Variants in EYS observed in about 807,000 individuals in gnomAD.
The protein encoded by EYS is protein eyes shut homolog.
In EYS, 250 loss-of-function variants were observed where a neutral mutation model predicts 282.1. The observed-to-expected ratio is 0.89, with a 90% CI of 0.80 to 0.98. The LOEUF (loss-of-function observed/expected upper bound fraction) is 0.98, where lower values mean the gene tolerates loss of function less well. Among genes scored for constraint, EYS ranks in the 50% least tolerant of loss-of-function variants. The pLI, the probability that EYS is intolerant of heterozygous loss-of-function variation, is 0.00. For missense variants in EYS, 4,016 were observed against 3,709.0 expected (o/e 1.08, Z -2.15); for synonymous variants, 1,355 against 1,282.9 (o/e 1.06, Z -1.20).
chr6:63,771,990 T>C (rs988119544), intron 40 of EYS, among the ~76,000 whole-genome samples: 5 of 152,128 alleles, frequency 3.3e-5, no homozygotes, highest in Non-Finnish European at 7.3e-5. Context: ...TCTAGGCTTA[T>C]GTATTTTCTG....
intron 13 of EYS, among the ~76,000 whole-genome samples, chr6:65,012,843 C>A (rs1771920352): frequency 2.1e-5 from 3 of 140,888 alleles, no homozygotes; most frequent in African/African-American, 5.3e-5. Flanking sequence ...AAAACTACTT[C>A]ACAAGAACAT....
rs1186922323 is a variant in EYS at position 63,938,606 on chromosome 6, T to A, written c.7055+45777A>T. Among the ~76,000 whole-genome samples the A allele has an allele frequency of 2.0e-5, 3 of 152,238 alleles. No individual in the cohort carries two copies. The East Asian group carries it at 5.8e-4, about 29-fold the overall frequency. The stretch of plus-strand genomic sequence containing the variant: ...CTTGGTTGAAAAAGAAAATGTGATC[T>A]GTAAATGATTCTATAAACTTTTGAC... On this transcript the variant is annotated intron_variant, in intron 35 of 42. Coordinates refer to ENST00000503581, the MANE Select transcript of EYS (RefSeq NM_001142800.2).
chr6:65,230,278 A>G (rs1283146282), intron 12 of EYS, among the ~76,000 whole-genome samples: 2 of 151,888 alleles, frequency 1.3e-5, no homozygotes, highest in African/African-American at 4.8e-5. Flanking sequence ...GTTTTGTTCC[A>G]TAACTGGACA....
intron 33 of EYS, among the ~76,000 whole-genome samples, chr6:64,046,395 A>G (rs1342441754): frequency 6.6e-6 from 1 of 151,986 alleles, no homozygotes; most frequent in Non-Finnish European, 1.5e-5. Context: ...CTGTCCATCT[A>G]TTTGGATTCA....
At chr6:64,725,932 C>T (rs539102146) in intron 22 of EYS, among the ~76,000 whole-genome samples, 5 of 152,194 alleles carry the variant, frequency 3.3e-5, no homozygotes, top group African/African-American at 1.2e-4. Context: ...CTAATGCCTA[C>T]AAATTAAACC....
chr6:65,021,296 T>C (rs540734491), intron 13 of EYS, among the ~76,000 whole-genome samples: 10 of 152,166 alleles, frequency 6.6e-5, no homozygotes, highest in Non-Finnish European at 1.0e-4. Flanking sequence ...TCCTAAATCA[T>C]CTCTCTCAAG....
At chr6:65,310,250 A>C (rs900992449) in intron 11 of EYS, among the ~76,000 whole-genome samples, 6 of 152,148 alleles carry the variant, frequency 3.9e-5, no homozygotes, top group African/African-American at 1.4e-4. Flanking sequence ...AGGCTGAGGC[A>C]GGAGAATTGC....
At chr6:65,401,807 C>T (rs558823342) in intron 7 of EYS, among the ~76,000 whole-genome samples, 10 of 151,940 alleles carry the variant, frequency 6.6e-5, no homozygotes, top group African/African-American at 2.4e-4. Context: ...AATTTTGAGG[C>T]TACTTACTGC....
At chr6:63,766,888 C>G (rs1286617002) in intron 40 of EYS, among the ~76,000 whole-genome samples, 4 of 151,858 alleles carry the variant, frequency 2.6e-5, no homozygotes, top group African/African-American at 9.7e-5. Flanking sequence ...AAAGAATCCA[C>G]TTTTATAAGC....
chr6:63,753,554 G>T (rs1030556821), intron 41 of EYS, among the ~76,000 whole-genome samples: 2 of 152,098 alleles, frequency 1.3e-5, no homozygotes, highest in Non-Finnish European at 2.9e-5. Flanking sequence ...AAGCACAGAG[G>T]AGGAACTTCC....
intron 26 of EYS, among the ~76,000 whole-genome samples, chr6:64,565,342 A>G (rs1765531023): frequency 6.6e-6 from 1 of 152,140 alleles, no homozygotes; most frequent in Non-Finnish European, 1.5e-5. Flanking sequence ...TAAGTCTTAA[A>G]TTCATTTTGA....
chr6:64,383,492 T>C (rs2150421316), intron 29 of EYS, among the ~76,000 whole-genome samples: 1 of 152,310 alleles, frequency 6.6e-6, no homozygotes, highest in Non-Finnish European at 1.5e-5. Context: ...CAAATGGTAG[T>C]CCAGCGGAAT....
At chr6:65,463,356 C>A (rs138472453) in intron 5 of EYS, among the ~76,000 whole-genome samples, 2 of 152,092 alleles carry the variant, frequency 1.3e-5, no homozygotes, top group Non-Finnish European at 2.9e-5. Flanking sequence ...ATCACTTTCT[C>A]GATGAGATTT....
chr6:64,617,118 G>T (rs988231454), intron 24 of EYS, among the ~76,000 whole-genome samples: 1 of 152,016 alleles, frequency 6.6e-6, no homozygotes, highest in Admixed American at 6.6e-5. Context: ...TTCCTCCACT[G>T]GCATCCTCCT....
chr6:65,362,630 G>A (rs1562123069), intron 8 of EYS, among the ~76,000 whole-genome samples: 1 of 151,484 alleles, frequency 6.6e-6, no homozygotes, highest in African/African-American at 2.4e-5. Flanking sequence ...TAATGTATAT[G>A]CATGTGTATA....
chr6:63,768,407 T>C (rs1769849354), intron 40 of EYS, among the ~76,000 whole-genome samples: 1 of 151,246 alleles, frequency 6.6e-6, no homozygotes, highest in Non-Finnish European at 1.5e-5. Context: ...ATTAAAAAAA[T>C]GGGCAAATGA....
At chr6:64,189,978 G>C (rs981034790) in intron 31 of EYS, among the ~76,000 whole-genome samples, 1 of 152,086 alleles carries the variant, frequency 6.6e-6, no homozygotes, top group Non-Finnish European at 1.5e-5. Context: ...ATACAATTTT[G>C]TGTTCAATTA....
At chr6:64,212,252 T>TA (rs1471110881) in intron 31 of EYS, among the ~76,000 whole-genome samples, 2 of 152,064 alleles carry the variant, frequency 1.3e-5, no homozygotes, top group Non-Finnish European at 2.9e-5. Flanking sequence ...AAAGTAGGAC[T>TA]ACTCAAATAA....
intron 12 of EYS, among the ~76,000 whole-genome samples, chr6:65,092,144 A>G (rs1774591992): frequency 6.6e-6 from 1 of 152,184 alleles, no homozygotes; most frequent in African/African-American, 2.4e-5. Context: ...AAAATAAAAG[A>G]TAATTTTTGG....
Sources: allele counts gnomAD v4.1 joint callset (sites outside exome capture counted in the v4.1 genomes callset), GRCh38; gene constraint gnomAD v4.1.1; transcripts MANE v1.5; gene names NCBI Gene and HGNC (gene_info 2026-07-23, HGNC 2026-07-21).